The following WNT7A variants were observed in gnomAD, a reference collection of about 807,000 sequenced individuals.
WNT7A encodes the protein protein Wnt-7a.
A neutral mutation model predicts 28.2 loss-of-function variants in WNT7A; 16 were observed. The ratio of observed to expected loss-of-function variants is 0.57; its 90% CI spans 0.38 to 0.86. The LOEUF is 0.86. Ranked by LOEUF, WNT7A falls within the 40% of genes least tolerant of loss-of-function variation. WNT7A has a pLI of 0.00. For synonymous variants in WNT7A, 190 were observed against 195.9 expected, an observed-to-expected ratio of 0.97 and a Z score of 0.25; for missense variants, 411 against 489.7, an observed-to-expected ratio of 0.84 and a Z score of 1.52.
chr3:13,819,371 G>C lies in WNT7A; in HGVS notation c.623C>G (p.Ser208Trp). The C allele has an allele frequency of 6.2e-7, 1 of 1,613,588 alleles. No individual in the cohort carries two copies. Among genetic ancestry groups the C allele is most frequent in the Non-Finnish European group, 8.5e-7 (1 of 1,179,774 alleles). The change falls in exon 4 of 4, where the codon TCG becomes TGG. Residue 208 changes from serine to tryptophan, a missense_variant. Coordinates refer to ENST00000285018, the MANE Select transcript of WNT7A (RefSeq NM_004625.4). ...GGTCCAGCACGTCTTGGTGGTGCAC[G>C]AGCCTGACACGCCGTGGCACTTACA... The part of the protein sequence containing the change: ...LECKCHGVSG[S>W]CTTKTCWTTL...
chr3:13,818,183 A>G lies in WNT7A; in HGVS notation c.*761T>C, dbSNP rs1694042905. On this transcript the variant is annotated 3_prime_UTR_variant, in exon 4 of 4. Coordinates refer to ENST00000285018, the MANE Select transcript of WNT7A (RefSeq NM_004625.4). The stretch of plus-strand genomic sequence containing the variant: ...TATCCGGTGGCTCACTTTCCGAAAG[A>G]TGGAAACTGCTGGGAATTTATTATT... 1.3e-5 allele frequency: 2 copies of G among 151,656 alleles called. No homozygotes were observed. Among genetic ancestry groups the G allele is most frequent in the South Asian group, 2.1e-4 (1 of 4,800 alleles). 9.4% of individuals were successfully genotyped at this position (151,656 alleles called of 1,614,324 possible). A position where few individuals can be genotyped will look rare whatever the true frequency, so the allele number is the denominator to read the frequency against.
chr3:13,870,219 G>A (rs1695009758), intron 2 of WNT7A, among the ~76,000 whole-genome samples: 2 of 152,282 alleles, frequency 1.3e-5, no homozygotes, highest in Admixed American at 6.5e-5. Context: ...CTTTAAAGAA[G>A]TATTATAATT....
At chr3:13,850,365 C>G (rs1303361140) in intron 3 of WNT7A, among the ~76,000 whole-genome samples, 1 of 152,212 alleles carries the variant, frequency 6.6e-6, no homozygotes, top group Non-Finnish European at 1.5e-5. Context: ...AGGGGCTGGT[C>G]CCTGGTGTCC....
In WNT7A at chr3:13,818,350, G is replaced by GAAAAAAAAAAAAAAAAAA. The variant is rs1491270987; in HGVS notation, c.*593_*594insTTTTTTTTTTTTTTTTTT. On this transcript the variant is annotated 3_prime_UTR_variant, in exon 4 of 4. Coordinates refer to ENST00000285018, the MANE Select transcript of WNT7A (RefSeq NM_004625.4). ...ATTTCTGGATAAGTAGCAGCAAACA[G>GAAAAAAAAAAAAAAAAAA]CAAAAAAAAAAAAAAAAATGTGTGT... 1.7e-4 allele frequency: 3 copies of GAAAAAAAAAAAAAAAAAA among 18,162 alleles called. No individual in the cohort carries two copies. The highest frequency in any genetic ancestry group is 2.4e-3 in the South Asian group (1 of 422). 1.1% of individuals were successfully genotyped at this position (18,162 alleles called of 1,614,324 possible).
intron 3 of WNT7A, among the ~76,000 whole-genome samples, chr3:13,850,409 G>T (rs972742688): frequency 6.6e-6 from 1 of 152,166 alleles, no homozygotes; most frequent in African/African-American, 2.4e-5. Flanking sequence ...GCCAGGGCAG[G>T]GGTGGGAATC....
intron 3 of WNT7A, among the ~76,000 whole-genome samples, chr3:13,834,784 T>C (rs572021253): frequency 6.6e-6 from 1 of 152,290 alleles, no homozygotes; most frequent in East Asian, 1.9e-4. Context: ...CTGCCCCGGC[T>C]TGTTTTGCTC....
intron 2 of WNT7A, among the ~76,000 whole-genome samples, chr3:13,872,169 T>A (rs1282234948): frequency 6.6e-6 from 1 of 152,178 alleles, no homozygotes; most frequent in Admixed American, 6.5e-5. Flanking sequence ...GGTGAATGCA[T>A]GAATAAATCA....
Position 13,817,457 on chromosome 3 carries a change from C to G in WNT7A, c.*1487G>C, listed in dbSNP as rs1694023902. 7.8e-6 allele frequency: 1 copy of G among 127,598 alleles called. No individual in the cohort carries two copies. Among genetic ancestry groups the G allele is most frequent in the Admixed American group, 7.4e-5 (1 of 13,528 alleles). The allele number at this position is 127,598 out of a possible 1,614,324, so 7.9% of individuals were successfully genotyped here. ...ACACACACACACACACACACACACA[C>G]ACACACACACACACCGGAAATGCAA... is the stretch of plus-strand genomic sequence containing the variant. On this transcript the variant is annotated 3_prime_UTR_variant, in exon 4 of 4. Coordinates refer to ENST00000285018, the MANE Select transcript of WNT7A (RefSeq NM_004625.4).
At chr3:13,840,057 A>G (rs971303242) in intron 3 of WNT7A, among the ~76,000 whole-genome samples, 31 of 152,098 alleles carry the variant, frequency 2.0e-4, no homozygotes, top group African/African-American at 6.3e-4. Context: ...ACTCTCTAAC[A>G]CATCTCTCTG....
At chr3:13,833,971 G>A (rs901877046) in intron 3 of WNT7A, among the ~76,000 whole-genome samples, 1 of 152,188 alleles carries the variant, frequency 6.6e-6, no homozygotes, top group Non-Finnish European at 1.5e-5. Flanking sequence ...TGAAGCTTAA[G>A]CTCTGGAGGG....
rs148849794 is a variant in WNT7A at position 13,853,036 on chromosome 3, C to T, written c.570+1496G>A. On this transcript the variant is annotated intron_variant, in intron 3 of 3. Coordinates refer to ENST00000285018, the MANE Select transcript of WNT7A (RefSeq NM_004625.4). ...GGTCAGGCCTGGCCTGCACTCCACTCATACCCAGCTCCTGACCCCACTCAA... is the reference window on the plus strand; with the variant it reads ...GGTCAGGCCTGGCCTGCACTCCACTTATACCCAGCTCCTGACCCCACTCAA... Among the ~76,000 whole-genome samples, 424 of 152,264 alleles carry T rather than the reference C, an allele frequency of 2.8e-3. 3 individuals carry two copies. Among genetic ancestry groups the T allele is most frequent in the African/African-American group, 9.0e-3 (375 of 41,550 alleles).
rs556286100 is a variant in WNT7A, at chr3:13,850,397, C to A, written c.570+4135G>T. Reference sequence around the variant, plus strand: ...GTCCCCTGACTCACAGGCCTGCCTGCGGCCAGGGCAGGGGTGGGAATCCAG... The same window carrying A: ...GTCCCCTGACTCACAGGCCTGCCTGAGGCCAGGGCAGGGGTGGGAATCCAG... On this transcript the variant is annotated intron_variant, in intron 3 of 3. Transcript: ENST00000285018. Among the ~76,000 whole-genome samples, 5 of 152,264 alleles carry A rather than the reference C, an allele frequency of 3.3e-5. No individual in the cohort carries two copies. In the East Asian group the frequency reaches 9.7e-4, roughly 29 times the overall value.
At chr3:13,877,425 A>G (rs1036599159) in intron 1 of WNT7A, among the ~76,000 whole-genome samples, 20 of 152,140 alleles carry the variant, frequency 1.3e-4, no homozygotes, top group African/African-American at 4.6e-4. Flanking sequence ...GCAGCATGAG[A>G]AGATTAAGTG....
rs1340449006 is a variant in WNT7A at position 13,818,425 on chromosome 3, C to G, written c.*519G>C. On this transcript the variant is annotated 3_prime_UTR_variant, in exon 4 of 4. Coordinates refer to ENST00000285018, the MANE Select transcript of WNT7A (RefSeq NM_004625.4). ...GATGTCTCCTCTTGTACTTAAACAT[C>G]TAGTGCTGCAAGGTGGGTACCTGCA... 2 of 145,252 alleles carry G rather than the reference C, an allele frequency of 1.4e-5. No homozygotes were observed. The highest frequency in any genetic ancestry group is 2.1e-4 in the East Asian group (1 of 4,800). The allele number at this position is 145,252 out of a possible 1,614,324, so 9.0% of individuals were successfully genotyped here.
intron 2 of WNT7A, among the ~76,000 whole-genome samples, chr3:13,856,927 A>AAGG (rs1694747742): frequency 9.0e-6 from 1 of 111,136 alleles, no homozygotes; most frequent in Non-Finnish European, 1.7e-5. Context: ...GAAGAAGAAG[A>AAGG]AGAAGAAGAA....
chr3:13,859,428 C>A (rs1694794561), intron 2 of WNT7A, among the ~76,000 whole-genome samples: 1 of 152,182 alleles, frequency 6.6e-6, no homozygotes, highest in Non-Finnish European at 1.5e-5. Flanking sequence ...CATCACCTGG[C>A]ACCTAGCAGG....
intron 3 of WNT7A, among the ~76,000 whole-genome samples, chr3:13,825,916 C>A (rs967450314): frequency 1.3e-5 from 2 of 152,234 alleles, no homozygotes; most frequent in African/African-American, 2.4e-5. Flanking sequence ...TCCATCTCAG[C>A]CTCTGCTTCC....
chr3:13,829,253 C>T lies in WNT7A; in HGVS notation c.571-9830G>A, dbSNP rs1038283344. Among the ~76,000 whole-genome samples the T allele has an allele frequency of 2.6e-5, 4 of 152,288 alleles. 1 individual carries two copies. ...GTTGAGCTTCTGAAAGAAACCATAT[C>T]CAGATTTTTATTTTGCAGGAAAAAA... is the stretch of plus-strand genomic sequence containing the variant. On this transcript the variant is annotated intron_variant, in intron 3 of 3. Transcript: ENST00000285018.
At chr3:13,836,573 C>A (rs1365073456) in intron 3 of WNT7A, among the ~76,000 whole-genome samples, 1 of 152,232 alleles carries the variant, frequency 6.6e-6, no homozygotes, top group African/African-American at 2.4e-5. Context: ...CAGTCCTGAA[C>A]CCTCCAGTGG....
Sources: allele counts gnomAD v4.1 joint callset (sites outside exome capture counted in the v4.1 genomes callset), GRCh38; gene constraint gnomAD v4.1.1; transcripts MANE v1.5; gene names NCBI Gene and HGNC (gene_info 2026-07-23, HGNC 2026-07-21).